The following SOS1 variants were observed in gnomAD, a reference collection of about 807,000 sequenced individuals.
The protein encoded by SOS1 is son of sevenless homolog 1.
SOS1 carries 25 observed loss-of-function variants against 157.6 expected under a neutral mutation model. The ratio of observed to expected loss-of-function variants is 0.16; its 90% CI spans 0.12 to 0.22. SOS1 has a LOEUF of 0.22. Ranked by LOEUF, SOS1 falls within the 10% of genes least tolerant of loss-of-function variation. SOS1 has a pLI of 1.00. For missense variants in SOS1, 1,237 were observed against 1,599.1 expected, an observed-to-expected ratio of 0.77 and a Z score of 3.86; for synonymous variants, 528 against 534.0, an observed-to-expected ratio of 0.99 and a Z score of 0.16.
At chr2:39,053,768 G>C (rs1333653795) in intron 5 of SOS1, among the ~76,000 whole-genome samples, 1 of 152,062 alleles carries the variant, frequency 6.6e-6, no homozygotes, top group East Asian at 1.9e-4. Context: ...ACTATCTTAA[G>C]ATCAGTAATC....
chr2:39,026,666 C>A (rs1254800604), intron 8 of SOS1, among the ~76,000 whole-genome samples: 1 of 152,146 alleles, frequency 6.6e-6, no homozygotes, highest in Non-Finnish European at 1.5e-5. Context: ...TTGCCTCTCA[C>A]ATGGCAGAAT....
At chr2:39,059,905 A>C (rs1346705641) in intron 2 of SOS1, among the ~76,000 whole-genome samples, 1 of 152,184 alleles carries the variant, frequency 6.6e-6, no homozygotes, top group East Asian at 1.9e-4. Flanking sequence ...GTTGAAAGAA[A>C]TTATAGCAGT....
chr2:39,103,441 A>G lies in SOS1; in HGVS notation c.87+16895T>C, dbSNP rs535147454. Among the ~76,000 whole-genome samples, 2 of 152,328 alleles carry G rather than the reference A, an allele frequency of 1.3e-5. 1 individual carries two copies. Among genetic ancestry groups the G allele is most frequent in the South Asian group, 4.1e-4 (2 of 4,834 alleles). On this transcript the variant is annotated intron_variant, in intron 1 of 22. Coordinates refer to ENST00000402219, the MANE Select transcript of SOS1 (RefSeq NM_005633.4). ...AGTAATCAAAATAATATGGTACTGA[A>G]AAAGCATAGACATATAGACCAACAG... is the stretch of plus-strand genomic sequence containing the variant.
At chr2:39,101,029 T>G (rs1672946935) in intron 1 of SOS1, among the ~76,000 whole-genome samples, 1 of 152,196 alleles carries the variant, frequency 6.6e-6, no homozygotes, top group African/African-American at 2.4e-5. Context: ...TGAGGCTGGG[T>G]AATTTATAAA....
intron 6 of SOS1, among the ~76,000 whole-genome samples, chr2:39,036,478 G>C (rs963219640): frequency 6.6e-6 from 1 of 152,144 alleles, no homozygotes; most frequent in Non-Finnish European, 1.5e-5. Context: ...AGTCTCCTGA[G>C]TATCTGGGAC....
At chr2:39,108,624 C>T (rs1673298643) in intron 1 of SOS1, among the ~76,000 whole-genome samples, 1 of 152,184 alleles carries the variant, frequency 6.6e-6, no homozygotes, top group South Asian at 2.1e-4. Context: ...CACAGTGGCT[C>T]ACTCCTGTAA....
chr2:39,007,061 T>A lies in SOS1; in HGVS notation c.2643A>T (p.Ser881=). 3 of 1,612,000 alleles carry A rather than the reference T, an allele frequency of 1.9e-6. No individual in the cohort carries two copies. Among genetic ancestry groups the A allele is most frequent in the Non-Finnish European group, 2.5e-6 (3 of 1,178,226 alleles). Residue 881 remains serine (S), a synonymous_variant, in exon 16 of 23, where the codon TCA becomes TCT. Coordinates refer to ENST00000402219, the MANE Select transcript of SOS1 (RefSeq NM_005633.4). The stretch of plus-strand genomic sequence containing the variant: ...ATGTGTGGTCTAGTCTGTAAACAGG[T>A]GATGAATTCATAGCACTGACAACCT... ...VLEVVSAMNS[S]PVYRLDHTFE...
intron 17 of SOS1, among the ~76,000 whole-genome samples, chr2:38,997,741 A>G (rs1668948079): frequency 6.6e-6 from 1 of 152,074 alleles, no homozygotes; most frequent in Non-Finnish European, 1.5e-5. Flanking sequence ...GACCAAGTTT[A>G]ATAAAATTAA....
chr2:39,106,184 TACACACAC>T (rs35147616), intron 1 of SOS1, among the ~76,000 whole-genome samples: 8 of 148,118 alleles, frequency 5.4e-5, no homozygotes, highest in African/African-American at 1.0e-4. Context: ...TGTGCTACTG[TACACACAC>T]ACACACACAC....
At position 38,984,495 on chromosome 2, in the gene SOS1, A is replaced by ACTT. The variant is rs562821759; in HGVS notation, c.*1326_*1328dup. The ACTT allele has an allele frequency of 3.4e-4, 51 of 149,954 alleles. No homozygotes were observed. The South Asian group carries it at 0.01, about 30-fold the overall frequency. The allele number at this position is 149,954 out of a possible 1,614,324, so 9.3% of individuals were successfully genotyped here. On this transcript the variant is annotated 3_prime_UTR_variant, in exon 23 of 23. Transcript: ENST00000402219. ...TATACTTGTTGCTTAGGAACTTAAA[A>ACTT]CTTACTTACAAAGTTCTGCTTAAAA...
At chr2:39,046,331 G>C (rs1436608903) in intron 6 of SOS1, among the ~76,000 whole-genome samples, 1 of 151,898 alleles carries the variant, frequency 6.6e-6, no homozygotes, top group Non-Finnish European at 1.5e-5. Context: ...ACAAATACAA[G>C]TCCACTTTAC....
rs192160339 is a variant in SOS1, at chr2:39,054,077, G to A, written c.720+537C>T. 1.5e-4 allele frequency among the ~76,000 whole-genome samples: 23 copies of A among 152,126 alleles called. No homozygotes were observed. The East Asian group carries it at 3.9e-3, about 26-fold the overall frequency. On this transcript the variant is annotated intron_variant, in intron 5 of 22. Coordinates refer to ENST00000402219, the MANE Select transcript of SOS1 (RefSeq NM_005633.4). ...CGAGTAGCTGGGATTACAGACGCTC[G>A]CCACCACGCCCGGCTAATTTTTTGT...
chr2:39,106,598 A>T (rs565623579), intron 1 of SOS1, among the ~76,000 whole-genome samples: 1 of 39,154 alleles, frequency 2.6e-5, no homozygotes, highest in Admixed American at 2.9e-4. Flanking sequence ...CTCAAAAAAA[A>T]AAACAAAAAA....
At chr2:39,086,117 T>C (rs1439641155) in intron 1 of SOS1, among the ~76,000 whole-genome samples, 1 of 152,200 alleles carries the variant, frequency 6.6e-6, no homozygotes, top group Non-Finnish European at 1.5e-5. Context: ...TTATTGATGT[T>C]CTTGTTAAAG....
intron 14 of SOS1, 47 bp from the exon 15 acceptor site, chr2:39,010,750 A>G (rs1669438601): frequency 2.0e-6 from 3 of 1,475,550 alleles, no homozygotes; most frequent in Middle Eastern, 1.8e-4. Context: ...TTTCTCTAAT[A>G]TAGACATTGT....
At chr2:39,089,226 C>CA (rs1672491583) in intron 1 of SOS1, among the ~76,000 whole-genome samples, 1 of 152,078 alleles carries the variant, frequency 6.6e-6, no homozygotes. Context: ...AAGTAGTGTT[C>CA]AAAAGTAGCC....
At chr2:39,045,273 A>AGAGAGAGTGTGTGTGT (rs138343013) in intron 6 of SOS1, among the ~76,000 whole-genome samples, 8 of 108,046 alleles carry the variant, frequency 7.4e-5, no homozygotes, top group South Asian at 6.6e-4. Context: ...AGAGAGAGAG[A>AGAGAGAGTGTGTGTGT]GTGTGTGTGT....
At chr2:39,014,992 G>A in intron 10 of SOS1, 146 bp from the exon 11 acceptor site, 1 of 616,354 alleles carries the variant, frequency 1.6e-6, no homozygotes, top group Non-Finnish European at 2.9e-6. Flanking sequence ...ACTTGGTAAT[G>A]CACTGCTAGC....
At chr2:39,066,922 C>G (rs770786766) in intron 2 of SOS1, among the ~76,000 whole-genome samples, 1 of 152,108 alleles carries the variant, frequency 6.6e-6, no homozygotes, top group African/African-American at 2.4e-5. Context: ...AGAAATTGTT[C>G]GTTTTAGCTT....
Sources: gnomAD v4.1 joint callset for allele counts (sites outside exome capture counted in the v4.1 genomes callset) on GRCh38, gnomAD v4.1.1 for gene constraint, MANE v1.5 for transcripts, NCBI Gene and HGNC (gene_info 2026-07-23, HGNC 2026-07-21) for gene names.